Variants in GPHN observed in about 807,000 individuals in gnomAD.
The protein encoded by GPHN is gephyrin.
Under a neutral mutation model 95.5 loss-of-function variants are expected in GPHN, and 17 were observed. The ratio of observed to expected loss-of-function variants is 0.18; its 90% CI spans 0.12 to 0.27. GPHN has a LOEUF of 0.27. Ranked by LOEUF, GPHN falls within the 10% of genes least tolerant of loss-of-function variation. GPHN has a pLI of 1.00. For synonymous variants in GPHN, 320 were observed against 322.5 expected (o/e 0.99, Z 0.08); for missense variants, 660 against 978.1 (o/e 0.67, Z 4.34).
rs1596258089 is a variant in GPHN, at chr14:66,880,014, C to A, written c.370C>A (p.Pro124Thr). The A allele has an allele frequency of 6.2e-7, 1 of 1,604,666 alleles. No homozygotes were observed. The highest frequency in any genetic ancestry group is 1.3e-5 in the African/African-American group (1 of 74,724). ...AMLMGSLNVT[P>T]LGMLSRPVCG... ...GCTGATGGGATCACTTAATGTTACA[C>A]CTCTGGGCATGCTCTCTAGGTAAGA... The change falls in exon 5 of 23, where the codon CCT becomes ACT. Residue 124 changes from proline to threonine, a missense_variant. Pro to Thr is a conservative substitution (Grantham distance 38, BLOSUM62 -1). Coordinates refer to ENST00000478722, the MANE Select transcript of GPHN (RefSeq NM_020806.5).
chr14:67,123,447 G>A (rs112022518), intron 17 of GPHN, among the ~76,000 whole-genome samples: 8,295 of 152,270 alleles, frequency 0.054, 239 homozygotes, highest in Middle Eastern at 0.068. Flanking sequence ...GGCCAAGGCG[G>A]GTGGATCACT....
chr14:66,614,373 G>A (rs1490503996), intron 1 of GPHN, among the ~76,000 whole-genome samples: 1 of 152,008 alleles, frequency 6.6e-6, no homozygotes, highest in African/African-American at 2.4e-5. Flanking sequence ...GCACAATACA[G>A]TATTGCCGCC....
intron 8 of GPHN, among the ~76,000 whole-genome samples, chr14:66,932,465 T>TTTTTG (rs1567118609): frequency 1.5e-5 from 2 of 134,140 alleles, no homozygotes; most frequent in Non-Finnish European, 3.2e-5. Context: ...TTTTTTTTTT[T>TTTTTG]TTTTTTTTTT....
intron 1 of GPHN, among the ~76,000 whole-genome samples, chr14:66,613,628 G>T (rs2062875491): frequency 6.6e-6 from 1 of 152,058 alleles, no homozygotes; most frequent in Admixed American, 6.6e-5. Context: ...ACAAATTTTA[G>T]TTAGGAGGTG....
At chr14:67,186,297 A>T (rs1278261881), downstream of GPHN, among the ~76,000 whole-genome samples, 1 of 152,222 alleles carries the variant, frequency 6.6e-6, no homozygotes, top group Admixed American at 6.5e-5. Flanking sequence ...ACATGCAGTG[A>T]CGTGTTAGAC....
chr14:66,534,504 A>T (rs2059061911), intron 1 of GPHN, among the ~76,000 whole-genome samples: 1 of 152,124 alleles, frequency 6.6e-6, no homozygotes, highest in Non-Finnish European at 1.5e-5. Flanking sequence ...TTCTTCTGTT[A>T]ATGGACATTT....
At chr14:67,165,412 T>G (rs1054546182) in intron 20 of GPHN, among the ~76,000 whole-genome samples, 186 bp downstream of exon 20, 1 of 152,212 alleles carries the variant, frequency 6.6e-6, no homozygotes, top group African/African-American at 2.4e-5. Flanking sequence ...AATATCTACT[T>G]CATAGGGTTG....
the GPHN span, among the ~76,000 whole-genome samples, chr14:67,598,771 G>A: frequency 1.5e-4 from 22 of 149,610 alleles, no homozygotes; most frequent in African/African-American, 5.4e-4. Context: ...GTGCAGTGGC[G>A]TGATCTCGGC....
At chr14:66,610,333 A>G (rs987452232) in intron 1 of GPHN, among the ~76,000 whole-genome samples, 1 of 152,120 alleles carries the variant, frequency 6.6e-6, no homozygotes, top group Non-Finnish European at 1.5e-5. Context: ...TGTCTTCCCT[A>G]GGAGCCATTC....
intron 9 of GPHN, among the ~76,000 whole-genome samples, chr14:67,004,817 T>G (rs1417192993): frequency 6.6e-6 from 1 of 151,738 alleles, no homozygotes; most frequent in Middle Eastern, 3.2e-3. Flanking sequence ...GGTGTCAGGT[T>G]GGTAGTAAGG....
chr14:67,114,356 T>C (rs1313083181), intron 16 of GPHN, among the ~76,000 whole-genome samples: 1 of 152,192 alleles, frequency 6.6e-6, no homozygotes, highest in African/African-American at 2.4e-5. Context: ...ACATGCTTTG[T>C]GCAACAAGTA....
At chr14:67,450,113 T>TC in the GPHN span, 1 of 150,008 alleles carries the variant, frequency 6.7e-6, no homozygotes, top group East Asian at 1.9e-4. Context: ...ACAATCTCTT[T>TC]TTTTTTTTTT....
rs150805218 is a variant in GPHN, at chr14:66,736,037, T to C, written c.144-40427T>C. On this transcript the variant is annotated intron_variant, in intron 2 of 22. Coordinates refer to ENST00000478722, the MANE Select transcript of GPHN (RefSeq NM_020806.5). ...GCCTGAAGAAGCTAAAGGCTTTTTA[T>C]GGCAATGACTAATGTATTATTTTCA... 1.3e-3 allele frequency among the ~76,000 whole-genome samples: 202 copies of C among 152,330 alleles called. 1 individual carries two copies. The highest frequency in any genetic ancestry group is 2.6e-3 in the Non-Finnish European group (177 of 68,014).
At chr14:67,041,712 T>G (rs2074715365) in intron 10 of GPHN, among the ~76,000 whole-genome samples, 2 of 152,232 alleles carry the variant, frequency 1.3e-5, no homozygotes, top group African/African-American at 4.8e-5. Flanking sequence ...GAATGATTTA[T>G]AATCCTTTGG....
chr14:67,273,154 A>G, the GPHN span, among the ~76,000 whole-genome samples: 2 of 149,860 alleles, frequency 1.3e-5, no homozygotes, highest in Admixed American at 6.7e-5. Context: ...TCTAGGGTAC[A>G]TGTGCACAAC....
At chr14:66,992,545 T>C (rs1022404170) in intron 9 of GPHN, among the ~76,000 whole-genome samples, 1 of 152,190 alleles carries the variant, frequency 6.6e-6, no homozygotes, top group Non-Finnish European at 1.5e-5. Context: ...AGTGCTAATA[T>C]AAATAATGAA....
At chr14:67,337,715 T>G in the GPHN span, 1 of 152,172 alleles carries the variant, frequency 6.6e-6, no homozygotes, top group Admixed American at 6.5e-5. Context: ...ACTAAAAACC[T>G]CAGACACCTG....
intron 1 of GPHN, among the ~76,000 whole-genome samples, chr14:66,554,098 C>A (rs2059923027): frequency 6.6e-6 from 1 of 151,922 alleles, no homozygotes; most frequent in African/African-American, 2.4e-5. Context: ...GGCTGCTTAT[C>A]TGAAAGTTTA....
At chr14:67,562,904 A>G in the GPHN span, 3 of 1,609,652 alleles carry the variant, frequency 1.9e-6, no homozygotes, top group South Asian at 2.2e-5. Context: ...GGTAAGAGGC[A>G]ACCTCCGGGC....
Sources: allele counts gnomAD v4.1 joint callset (sites outside exome capture counted in the v4.1 genomes callset), GRCh38; gene constraint gnomAD v4.1.1; transcripts MANE v1.5; gene names NCBI Gene and HGNC (gene_info 2026-07-23, HGNC 2026-07-21).